TTLL8: variants seen among roughly 807,000 people sequenced by gnomAD.
The protein encoded by TTLL8 is tubulin tyrosine ligase like 8.
A neutral mutation model predicts 77.8 loss-of-function variants in TTLL8; 65 were observed. The observed-to-expected ratio is 0.84, with a 90% CI of 0.68 to 1.03. TTLL8 has a LOEUF of 1.03. Ranked by LOEUF, TTLL8 falls within the 50% of genes least tolerant of loss-of-function variation. The pLI, the probability that TTLL8 is intolerant of heterozygous loss-of-function variation, is 0.00. For synonymous variants in TTLL8, 402 were observed against 422.8 expected (o/e 0.95, Z 0.60); for missense variants, 910 against 1,004.5 (o/e 0.91, Z 1.27).
Position 50,034,322 on chromosome 22 carries a change from C to G in TTLL8, c.1039+23G>C. Reference sequence around the variant, plus strand: ...AAGTGTGGCCGTTGGTGGCTATGAACGCGGTGCAGGGAGCATCCGCACCAG... The same window carrying G: ...AAGTGTGGCCGTTGGTGGCTATGAAGGCGGTGCAGGGAGCATCCGCACCAG... On this transcript the variant is annotated intron_variant, in intron 9 of 13. Transcript: ENST00000266182. The surrounding 1 kb of genome is among the most constrained non-coding windows in gnomAD (Gnocchi z 4.1). 2 of 1,350,506 alleles carry G rather than the reference C, an allele frequency of 1.5e-6. No individual in the cohort carries two copies. Among genetic ancestry groups the G allele is most frequent in the Non-Finnish European group, 2.0e-6 (2 of 1,012,544 alleles). The allele number at this position is 1,350,506 out of a possible 1,614,324, so 83.7% of individuals were successfully genotyped here. A position where few individuals can be genotyped will look rare whatever the true frequency, so the allele number is the denominator to read the frequency against.
chr22:50,038,446 T>G (rs1393655076), intron 8 of TTLL8, among the ~76,000 whole-genome samples: 2 of 152,182 alleles, frequency 1.3e-5, no homozygotes, highest in African/African-American at 2.4e-5. Context: ...TCATTCTGAT[T>G]TCAAGGAGGA....
intron 6 of TTLL8, 80 bp downstream of exon 8, chr22:50,045,175 C>T: frequency 7.8e-7 from 1 of 1,274,148 alleles, no homozygotes; most frequent in Non-Finnish European, 1.0e-6. Flanking sequence ...CAGGACTGAC[C>T]ACACCCAGGA....
intron 3 of TTLL8, among the ~76,000 whole-genome samples, chr22:50,048,361 C>T (rs2061425261): frequency 6.6e-6 from 1 of 152,128 alleles, no homozygotes; most frequent in Non-Finnish European, 1.5e-5. Context: ...AGGATTAGGT[C>T]ATGAGCCTGA....
rs112432406 is a variant in TTLL8, at chr22:50,032,168, G to T, written c.1284-59C>A. On this transcript the variant is annotated intron_variant, in intron 10 of 13. Transcript: ENST00000266182. Reference sequence around the variant, plus strand: ...CCCTTGGCCCAGGAGGGCACCCAAGGCCGGTCCTCCCAGCCGTGCTGAGCC... The same window carrying T: ...CCCTTGGCCCAGGAGGGCACCCAAGTCCGGTCCTCCCAGCCGTGCTGAGCC... 4.9e-3 allele frequency: 6,382 copies of T among 1,298,882 alleles called. 269 individuals are homozygous for T. In the African/African-American group the frequency reaches 0.088, roughly 18 times the overall value. 80.5% of individuals were successfully genotyped at this position (1,298,882 alleles called of 1,614,324 possible).
At chr22:50,023,793 G>C (rs904661454) in intron 12 of TTLL8, among the ~76,000 whole-genome samples, 2 of 152,260 alleles carry the variant, frequency 1.3e-5, no homozygotes. Flanking sequence ...GGCCGAGGTG[G>C]GCAGATCACG....
At position 50,034,192 on chromosome 22, in the gene TTLL8, G is replaced by T; in HGVS notation, c.1039+153C>A. On this transcript the variant is annotated intron_variant, in intron 9 of 13. Coordinates refer to ENST00000266182, the Ensembl canonical transcript of TTLL8. The surrounding 1 kb of genome is among the most constrained non-coding windows in gnomAD (Gnocchi z 4.1). ...AAGACGCCTCCAGCTCTGCTCCAGCGCCTGAGTCCTGACCCCCACGCCTGC... is the reference window on the plus strand; with the variant it reads ...AAGACGCCTCCAGCTCTGCTCCAGCTCCTGAGTCCTGACCCCCACGCCTGC... 5.1e-6 allele frequency: 4 copies of T among 782,668 alleles called. No homozygotes were observed. Among genetic ancestry groups the T allele is most frequent in the Non-Finnish European group, 6.2e-6 (4 of 645,094 alleles). The allele number at this position is 782,668 out of a possible 1,614,324, so 48.5% of individuals were successfully genotyped here.
chr22:50,028,516 C>T (rs918353381), intron 12 of TTLL8, among the ~76,000 whole-genome samples: 3 of 152,154 alleles, frequency 2.0e-5, no homozygotes, highest in Non-Finnish European at 4.4e-5. Context: ...TGAGTGGGTC[C>T]CAGCCCCTGA....
At chr22:50,058,188 C>T (rs2061497294), upstream of TTLL8, among the ~76,000 whole-genome samples, 1 of 151,684 alleles carries the variant, frequency 6.6e-6, no homozygotes, top group Admixed American at 6.6e-5. The surrounding 1 kb of genome is among the most constrained non-coding windows in gnomAD (Gnocchi z 4.2). Context: ...CTGCGCCGCC[C>T]GGCTTCCTGG....
rs1052948464 is a variant in TTLL8 at position 50,050,282 on chromosome 22, A to G, written c.52-35T>C. ...CAAGAGGATATTTTATTTTATTTCAATCATTTTTGGGGAATAGGCAGATTT... is the reference window on the plus strand; with the variant it reads ...CAAGAGGATATTTTATTTTATTTCAGTCATTTTTGGGGAATAGGCAGATTT... On this transcript the variant is annotated intron_variant, in intron 1 of 13. Coordinates refer to ENST00000266182, the Ensembl canonical transcript of TTLL8. 3.1e-6 allele frequency: 4 copies of G among 1,298,306 alleles called. No individual in the cohort carries two copies. The African/African-American group carries it at 4.6e-5, about 15-fold the overall frequency. 80.4% of individuals were successfully genotyped at this position (1,298,306 alleles called of 1,614,324 possible).
intron 1 of TTLL8, among the ~76,000 whole-genome samples, chr22:50,051,120 C>T (rs577999560): frequency 6.6e-6 from 1 of 152,322 alleles, no homozygotes; most frequent in Non-Finnish European, 1.5e-5. Flanking sequence ...CCTTGGCCTC[C>T]CACAGTGCTG....
intron 1 of TTLL8, among the ~76,000 whole-genome samples, chr22:50,053,932 C>A (rs1468785369): frequency 6.8e-6 from 1 of 148,110 alleles, no homozygotes; most frequent in South Asian, 2.2e-4. Context: ...CTGCAGTCTG[C>A]ACATATTTGT....
chr22:50,050,630 A>T lies in TTLL8; in HGVS notation c.52-383T>A, dbSNP rs527390597. On this transcript the variant is annotated intron_variant, in intron 1 of 13. Transcript: ENST00000266182. ...AAAAAGTTGGGGGAAAAGAAAAGTA[A>T]GATAAATAGCCAGACAACCTTGGCA... is the stretch of plus-strand genomic sequence containing the variant. 1.8e-4 allele frequency among the ~76,000 whole-genome samples: 27 copies of T among 152,314 alleles called. No homozygotes were observed. In the East Asian group the frequency reaches 5.2e-3, roughly 29 times the overall value.
Position 50,024,831 on chromosome 22 carries a change from G to A in TTLL8, c.2203+5599C>T, listed in dbSNP as rs565335088. 7.9e-5 allele frequency among the ~76,000 whole-genome samples: 12 copies of A among 152,334 alleles called. No individual in the cohort carries two copies. The South Asian group carries it at 1.2e-3, about 16-fold the overall frequency. Reference sequence around the variant, plus strand: ...TGAATGATGGTGTGGGTGAAAGCACGTTCAGAGTCCCAGCAGGTTGTTTCA... The same window carrying A: ...TGAATGATGGTGTGGGTGAAAGCACATTCAGAGTCCCAGCAGGTTGTTTCA... On this transcript the variant is annotated intron_variant, in intron 12 of 13. Transcript: ENST00000266182.
At position 50,041,560 on chromosome 22, in the gene TTLL8, G is replaced by T; in HGVS notation, c.830+61C>A. 7.9e-7 allele frequency: 1 copy of T among 1,272,850 alleles called. No individual in the cohort carries two copies. The allele number at this position is 1,272,850 out of a possible 1,614,324, so 78.8% of individuals were successfully genotyped here. ...AGTTCCCAGAGGCTGCACTGCCCCG[G>T]CAGCTCCTGCAATCTGCACTCACAG... On this transcript the variant is annotated intron_variant, in intron 7 of 13. Coordinates refer to ENST00000266182, the Ensembl canonical transcript of TTLL8. This position sits in a 1 kb window ranked among gnomAD's most constrained non-coding sequence, Gnocchi z 4.3.
Position 50,050,264 on chromosome 22 carries a change from A to ATATTT in TTLL8, c.52-22_52-18dup, listed in dbSNP as rs777546219. On this transcript the variant is annotated splice_polypyrimidine_tract_variant and intron_variant, in intron 1 of 13. Transcript: ENST00000266182. ...CTTCTTCTCCTAAAATGGCAAGAGGATATTTTATTTTATTTCAATCATTTT... is the reference window on the plus strand; with the variant it reads ...CTTCTTCTCCTAAAATGGCAAGAGGATATTTTATTTTATTTTATTTCAATCATTTT... 1.8e-5 allele frequency: 23 copies of ATATTT among 1,305,544 alleles called. No homozygotes were observed. The East Asian group carries it at 9.3e-4, about 53-fold the overall frequency. 80.9% of individuals were successfully genotyped at this position (1,305,544 alleles called of 1,614,324 possible). A position where few individuals can be genotyped will look rare whatever the true frequency, so the allele number is the denominator to read the frequency against.
intron 11 of TTLL8, among the ~76,000 whole-genome samples, chr22:50,031,308 A>G (rs964472400): frequency 1.9e-4 from 29 of 152,222 alleles, no homozygotes; most frequent in Middle Eastern, 3.2e-3. Flanking sequence ...CTGCAGGCCA[A>G]GGCAAAGGAG....
chr22:50,020,866 G>T (rs548514262), intron 12 of TTLL8, among the ~76,000 whole-genome samples: 1 of 118,984 alleles, frequency 8.4e-6, no homozygotes, highest in Non-Finnish European at 1.7e-5. Context: ...ATCTGACGAC[G>T]TGCACTCCTC....
rs1229135738 is a variant in TTLL8, at chr22:50,045,844, C to T, written c.508+12G>A. On this transcript the variant is annotated intron_variant, in intron 5 of 13. Transcript: ENST00000266182. ...TGACAGCACTGGGGCCCTCTGCCGT[C>T]TCCTCACTTACCCAGGAACTCCTGC... 1 of 1,334,884 alleles carries T rather than the reference C, an allele frequency of 7.5e-7. No homozygotes were observed. Among genetic ancestry groups the T allele is most frequent in the Admixed American group, 2.1e-5 (1 of 48,536 alleles). The allele number at this position is 1,334,884 out of a possible 1,614,324, so 82.7% of individuals were successfully genotyped here. A position where few individuals can be genotyped will look rare whatever the true frequency, so the allele number is the denominator to read the frequency against.
chr22:50,021,811 A>ACGTGCACTCCTCCATCTGACG lies in TTLL8; in HGVS notation c.2204-5250_2204-5249insCGTCAGATGGAGGAGTGCACG, dbSNP rs1569218205. Among the ~76,000 whole-genome samples the ACGTGCACTCCTCCATCTGACG allele has an allele frequency of 1.1e-3, 78 of 70,460 alleles. 1 individual carries two copies. Among genetic ancestry groups the ACGTGCACTCCTCCATCTGACG allele is most frequent in the African/African-American group, 3.9e-3 (73 of 18,788 alleles). The allele number at this position is 70,460 out of a possible 152,430, so 46.2% of individuals were successfully genotyped here. ...GACGACGTGCACTCCTCCATCTGAC[A>ACGTGCACTCCTCCATCTGACG]TGCACTCCTCCATCTGACGACGTGC... On this transcript the variant is annotated intron_variant, in intron 12 of 13. Transcript: ENST00000266182.
Sources: allele counts gnomAD v4.1 joint callset (sites outside exome capture counted in the v4.1 genomes callset), GRCh38; gene constraint gnomAD v4.1.1; non-coding constraint Gnocchi (gnomAD v3.1); transcripts MANE v1.5; gene names NCBI Gene and HGNC (gene_info 2026-07-23, HGNC 2026-07-21).